The following XCL1 variants were observed in gnomAD, a reference collection of about 807,000 sequenced individuals.
XCL1 encodes the protein lymphotactin.
In XCL1, 6 loss-of-function variants were observed where a neutral mutation model predicts 7.4. The ratio of observed to expected loss-of-function variants is 0.82; its 90% CI spans 0.45 to 1.61. The LOEUF (loss-of-function observed/expected upper bound fraction) is 1.61, where lower values mean the gene tolerates loss of function less well. Among genes scored for constraint, XCL1 ranks in the 40% most tolerant of loss-of-function variants. The probability of loss-of-function intolerance (pLI) is 0.01; values close to 1 mark genes in which losing one functional copy is unlikely to be tolerated. For missense variants in XCL1, 122 were observed against 138.2 expected, an observed-to-expected ratio of 0.88 and a Z score of 0.59; for synonymous variants, 48 against 52.4, an observed-to-expected ratio of 0.92 and a Z score of 0.36.
chr1:168,578,891 C>T, intron 1 of XCL1: 1 of 382,506 alleles, frequency 2.6e-6, no homozygotes. Context: ...CTTGATAATG[C>T]ATTAAGGGAC....
At chr1:168,578,841 C>T in intron 1 of XCL1, 1 of 416,494 alleles carries the variant, frequency 2.4e-6, no homozygotes. Flanking sequence ...CACAGTGGTG[C>T]TTCCTGTGGA....
At chr1:168,580,258 C>T (rs1346774585) in intron 2 of XCL1, 81 bp downstream of exon 2, 4 of 1,472,570 alleles carry the variant, frequency 2.7e-6, no homozygotes, top group Non-Finnish European at 2.8e-6. Flanking sequence ...CTGCCGTCCT[C>T]AGGAAAAGTA....
At chr1:168,580,003 T>C in intron 1 of XCL1, 60 bp from the exon 2 acceptor site, 4 of 1,515,830 alleles carry the variant, frequency 2.6e-6, no homozygotes, top group South Asian at 1.2e-5. Context: ...AGATGATTGT[T>C]CCTGTGATCT....
rs1173419603 is a variant in XCL1 at position 168,581,552 on chromosome 1, C to A, written c.*332C>A. ...TCAGAGGTGAAAGCTATATCAATCT[C>A]TCTTAGAGTCCAGCTTGTAATGGTT... On this transcript the variant is annotated 3_prime_UTR_variant, in exon 3 of 3. Transcript: ENST00000367818. 2 of 175,162 alleles carry A rather than the reference C, an allele frequency of 1.1e-5. No individual in the cohort carries two copies. Among genetic ancestry groups the A allele is most frequent in the East Asian group, 3.1e-4 (2 of 6,444 alleles). 10.9% of individuals were successfully genotyped at this position (175,162 alleles called of 1,614,324 possible). A position where few individuals can be genotyped will look rare whatever the true frequency, so the allele number is the denominator to read the frequency against.
At chr1:168,580,584 A>C (rs1255263326) in intron 2 of XCL1, among the ~76,000 whole-genome samples, 1 of 152,184 alleles carries the variant, frequency 6.6e-6, no homozygotes, top group Non-Finnish European at 1.5e-5. Context: ...AAATGAGTCA[A>C]TGCACAACCT....
intron 2 of XCL1, among the ~76,000 whole-genome samples, chr1:168,580,790 A>G (rs1655145036): frequency 6.6e-6 from 1 of 152,214 alleles, no homozygotes; most frequent in African/African-American, 2.4e-5. Context: ...TCTTTTTGTT[A>G]CAACATTTGG....
rs1655082050 is a variant in XCL1, at chr1:168,578,628, A to G, written c.62-1435A>G. Reference sequence around the variant, plus strand: ...TGGAGAGTTTTTATTATTTTTATGTACAGAAAACTCAACAGTGTACATTTA... The same window carrying G: ...TGGAGAGTTTTTATTATTTTTATGTGCAGAAAACTCAACAGTGTACATTTA... On this transcript the variant is annotated intron_variant, in intron 1 of 2. Transcript: ENST00000367818. The G allele has an allele frequency of 1.9e-5, 4 of 206,230 alleles. No individual in the cohort carries two copies. The South Asian group carries it at 3.3e-4, about 17-fold the overall frequency. The allele number at this position is 206,230 out of a possible 1,614,324, so 12.8% of individuals were successfully genotyped here. A position where few individuals can be genotyped will look rare whatever the true frequency, so the allele number is the denominator to read the frequency against.
Position 168,581,076 on chromosome 1 carries a change from A to G in XCL1, c.201A>G (p.Lys67=). 1 of 1,613,754 alleles carries G rather than the reference A, an allele frequency of 6.2e-7. No individual in the cohort carries two copies. The highest frequency in any genetic ancestry group is 8.5e-7 in the Non-Finnish European group (1 of 1,179,730). ...AVIFITKRGL[K]VCADPQATWV... The stretch of plus-strand genomic sequence containing the variant: ...GTTTTATTACCAAACGTGGCCTAAA[A>G]GTCTGTGCTGATCCACAAGCCACAT... The change falls in exon 3 of 3, where the codon AAA becomes AAG. Residue 67 remains lysine, a synonymous_variant. Transcript: ENST00000367818.
At position 168,576,644 on chromosome 1, in the gene XCL1, C is replaced by T. The variant is rs777373170; in HGVS notation, c.7C>T (p.Leu3Phe). Reference protein sequence around the residue: MRLLILALLGICS... With the variant: MRFLILALLGICS... ...GCTCAGCAGGACCTCAGCCATGAGACTTCTCATCCTGGCCCTCCTTGGCAT... is the reference window on the plus strand; with the variant it reads ...GCTCAGCAGGACCTCAGCCATGAGATTTCTCATCCTGGCCCTCCTTGGCAT... The change falls in exon 1 of 3, where the codon CTT becomes TTT. Residue 3 changes from leucine (L) to phenylalanine (F), a missense_variant. By Grantham distance (22) the Leu-to-Phe change is conservative. Coordinates refer to ENST00000367818, the MANE Select transcript of XCL1 (RefSeq NM_002995.3). 7 of 1,613,712 alleles carry T rather than the reference C, an allele frequency of 4.3e-6. No homozygotes were observed. Among genetic ancestry groups the T allele is most frequent in the South Asian group, 1.1e-5 (1 of 91,074 alleles).
At chr1:168,578,294 T>TGGC (rs1655074252) in intron 1 of XCL1, among the ~76,000 whole-genome samples, 1 of 152,228 alleles carries the variant, frequency 6.6e-6, no homozygotes. Flanking sequence ...CCTTCTGATA[T>TGGC]TAGCAACACT....
Position 168,580,045 on chromosome 1 carries a change from T to G in XCL1, c.62-18T>G, listed in dbSNP as rs767693779. The G allele has an allele frequency of 5.0e-6, 8 of 1,590,712 alleles. No homozygotes were observed. The highest frequency in any genetic ancestry group is 1.7e-5 in the Admixed American group (1 of 58,368). ...TTGCTTTATTTTTAATTGTCTGTTG[T>G]TTTTTTTTCCTCACCAGGTGTAGGG... is the stretch of plus-strand genomic sequence containing the variant. On this transcript the variant is annotated intron_variant, in intron 1 of 2. Transcript: ENST00000367818.
intron 1 of XCL1, among the ~76,000 whole-genome samples, chr1:168,577,059 T>C (rs889531004): frequency 2.6e-5 from 4 of 152,202 alleles, no homozygotes; most frequent in African/African-American, 7.2e-5. Flanking sequence ...CAGATTTCCT[T>C]ACAAGCAGTA....
intron 1 of XCL1, 25 bp from the exon 2 acceptor site, chr1:168,580,038 T>C (rs766682915): frequency 1.8e-5 from 29 of 1,597,098 alleles, no homozygotes; most frequent in Non-Finnish European, 2.4e-5. Flanking sequence ...TTTTTAATTG[T>C]CTGTTGTTTT....
rs779686199 is a variant in XCL1, at chr1:168,580,081, C to T, written c.80C>T (p.Ser27Leu). 1.9e-6 allele frequency: 3 copies of T among 1,613,396 alleles called. No homozygotes were observed. The East Asian group carries it at 6.7e-5, about 36-fold the overall frequency. Residue 27 changes from serine (S) to leucine (L), a missense_variant, in exon 2 of 3, where the codon TCA (serine) becomes TTA (leucine). Physicochemically the swap from Ser to Leu is moderately radical, Grantham distance 145. Coordinates refer to ENST00000367818, the MANE Select transcript of XCL1 (RefSeq NM_002995.3). ...YIVEGVGSEVSDKRTCVSLTT... is the reference protein window; with the variant it reads ...YIVEGVGSEVLDKRTCVSLTT... ...TCACCAGGTGTAGGGAGTGAAGTCT[C>T]AGATAAGAGGACCTGTGTGAGCCTC... is the stretch of plus-strand genomic sequence containing the variant.
At chr1:168,577,892 C>T (rs182469737) in intron 1 of XCL1, among the ~76,000 whole-genome samples, 67 of 152,254 alleles carry the variant, frequency 4.4e-4, no homozygotes, top group African/African-American at 1.6e-3. Context: ...TGGTGCTTAG[C>T]TTCTTACATA....
chr1:168,576,758 T>G, intron 1 of XCL1, 60 bp downstream of exon 1: 1 of 1,611,952 alleles, frequency 6.2e-7, no homozygotes, highest in Non-Finnish European at 8.5e-7. Context: ...TGGGCACACA[T>G]TTTGGGTTTG....
chr1:168,576,723 A>T (rs1311866230), intron 1 of XCL1, 25 bp downstream of exon 1: 2 of 1,613,726 alleles, frequency 1.2e-6, no homozygotes. Flanking sequence ...TGTCTGTGAG[A>T]TAAAGAACAG....
At position 168,581,182 on chromosome 1, in the gene XCL1, C is replaced by G; in HGVS notation, c.307C>G (p.Gln103Glu). 1 of 1,613,778 alleles carries G rather than the reference C, an allele frequency of 6.2e-7. No homozygotes were observed. The highest frequency in any genetic ancestry group is 2.2e-5 in the East Asian group (1 of 44,870). ...NMIQTKPTGT[Q>E]QSTNTAVTLT... ...GATCCAGACCAAGCCAACAGGAACC[C>G]AGCAATCGACCAATACAGCTGTGAC... is the stretch of plus-strand genomic sequence containing the variant. The change falls in exon 3 of 3, where the codon CAG becomes GAG. Residue 103 changes from glutamine to glutamate, a missense_variant. Coordinates refer to ENST00000367818, the MANE Select transcript of XCL1 (RefSeq NM_002995.3).
rs1655117691 is a variant in XCL1, at chr1:168,579,986, A to T, written c.62-77A>T. On this transcript the variant is annotated intron_variant, in intron 1 of 2. Transcript: ENST00000367818. ...AAATTCTCACAACATTCTCAGAGTAATTTAACAGATGATTGTTCCTGTGAT... is the reference window on the plus strand; with the variant it reads ...AAATTCTCACAACATTCTCAGAGTATTTTAACAGATGATTGTTCCTGTGAT... 3 of 1,431,564 alleles carry T rather than the reference A, an allele frequency of 2.1e-6. No homozygotes were observed. The East Asian group carries it at 7.1e-5, about 34-fold the overall frequency. 88.7% of individuals were successfully genotyped at this position (1,431,564 alleles called of 1,614,324 possible).
Sources: gnomAD v4.1 joint callset for allele counts (sites outside exome capture counted in the v4.1 genomes callset) on GRCh38, gnomAD v4.1.1 for gene constraint, MANE v1.5 for transcripts, NCBI Gene and HGNC (gene_info 2026-07-23, HGNC 2026-07-21) for gene names.